The following HDGFL3 variants were observed in gnomAD, a reference collection of about 807,000 sequenced individuals.
HDGFL3 encodes HDGF like 3, also known as hepatoma-derived growth factor-related protein 3.
Under a neutral mutation model 27.6 loss-of-function variants are expected in HDGFL3, and 6 were observed. The observed-to-expected ratio is 0.22, with a 90% CI of 0.12 to 0.43. The LOEUF is 0.43. HDGFL3 is among the 20% of genes least tolerant of loss of function. The pLI, the probability that HDGFL3 is intolerant of heterozygous loss-of-function variation, is 1.00. For synonymous variants in HDGFL3, 88 were observed against 88.9 expected (o/e 0.99, Z 0.05); for missense variants, 207 against 250.1 (o/e 0.83, Z 1.16).
chr15:83,154,791 T>C (rs1172374912), intron 4 of HDGFL3, among the ~76,000 whole-genome samples: 1 of 152,232 alleles, frequency 6.6e-6, no homozygotes, highest in Non-Finnish European at 1.5e-5. Flanking sequence ...AAGTCTTCCA[T>C]GTAATTCTAA....
At chr15:83,195,745 A>T (rs1479053843) in intron 1 of HDGFL3, among the ~76,000 whole-genome samples, 1 of 152,134 alleles carries the variant, frequency 6.6e-6, no homozygotes, top group Non-Finnish European at 1.5e-5. Context: ...GCTGAAAACC[A>T]GGTTCTTACA....
At chr15:83,117,449 G>T (rs535363867) in intron 3 of HDGFL3, among the ~76,000 whole-genome samples, 1 of 152,324 alleles carries the variant, frequency 6.6e-6, no homozygotes, top group African/African-American at 2.4e-5. Flanking sequence ...AAAGGGCTGA[G>T]CTTGGGACTT....
exon 4 of HDGFL3, chr15:83,114,752 G>C (rs1359846415): frequency 6.6e-6 from 1 of 152,166 alleles, no homozygotes; most frequent in Non-Finnish European, 1.5e-5. Flanking sequence ...CATAGTCTAA[G>C]GCACCAATCT....
At chr15:83,160,644 G>A (rs1292839999) in intron 2 of HDGFL3, among the ~76,000 whole-genome samples, 2 of 152,204 alleles carry the variant, frequency 1.3e-5, no homozygotes, top group South Asian at 4.1e-4. Context: ...GGTAGCTGGA[G>A]AGAGGACTCT....
intron 5 of HDGFL3, among the ~76,000 whole-genome samples, chr15:83,149,238 C>T (rs1318196131): frequency 1.3e-5 from 2 of 152,120 alleles, no homozygotes; most frequent in Non-Finnish European, 1.5e-5. Flanking sequence ...GCAGACCACG[C>T]ACAATATGTG....
intron 1 of HDGFL3, among the ~76,000 whole-genome samples, chr15:83,179,454 A>G (rs1331389751): frequency 6.6e-6 from 1 of 152,160 alleles, no homozygotes; most frequent in Non-Finnish European, 1.5e-5. Flanking sequence ...CATGGCTCAA[A>G]CTTGTATGTG....
chr15:83,191,004 C>CAT (rs1035067143), intron 1 of HDGFL3, among the ~76,000 whole-genome samples: 5 of 152,260 alleles, frequency 3.3e-5, no homozygotes, highest in Admixed American at 2.6e-4. Context: ...GATAACTAAT[C>CAT]ATATCAGTGT....
chr15:83,164,716 T>C (rs1164563361), intron 1 of HDGFL3, among the ~76,000 whole-genome samples: 1 of 152,236 alleles, frequency 6.6e-6, no homozygotes, highest in Non-Finnish European at 1.5e-5. Flanking sequence ...CAGCCCTTCC[T>C]TCCTCAGATC....
intron 3 of HDGFL3, chr15:83,119,734 G>A: frequency 1.2e-6 from 2 of 1,610,444 alleles, no homozygotes; most frequent in East Asian, 2.2e-5. Context: ...CCGATAAGCG[G>A]GTATGTAAGG....
intron 5 of HDGFL3, among the ~76,000 whole-genome samples, chr15:83,143,534 A>G (rs951241534): frequency 2.0e-5 from 3 of 152,162 alleles, no homozygotes; most frequent in Admixed American, 6.5e-5. Flanking sequence ...GTGAGCTAAG[A>G]TCGTGCCACT....
chr15:83,197,635 C>G (rs2037587371), intron 1 of HDGFL3, among the ~76,000 whole-genome samples: 1 of 152,182 alleles, frequency 6.6e-6, no homozygotes, highest in African/African-American at 2.4e-5. Context: ...TCAGTCATAG[C>G]TTGATACCTC....
chr15:83,127,569 T>G (rs2151376985), downstream of HDGFL3: 3 of 1,402,748 alleles, frequency 2.1e-6, no homozygotes, highest in Middle Eastern at 1.8e-4. Context: ...TGTTTTAGAC[T>G]AGGAGATAGC....
intron 1 of HDGFL3, chr15:83,179,386 A>T (rs1248716367): frequency 4.6e-5 from 7 of 152,258 alleles, no homozygotes; most frequent in Non-Finnish European, 1.0e-4. Context: ...TGATTAAAAC[A>T]CAGATAGGTA....
intron 1 of HDGFL3, among the ~76,000 whole-genome samples, chr15:83,198,054 CAAAAAAA>C (rs766372255): frequency 1.4e-4 from 8 of 57,596 alleles, no homozygotes; most frequent in Admixed American, 2.7e-4. Flanking sequence ...GACTCCGTCT[CAAAAAAA>C]AAAAAAAAAA....
intron 3 of HDGFL3, 147 bp from the exon 4 acceptor site, chr15:83,157,720 C>T: frequency 3.1e-6 from 3 of 976,118 alleles, no homozygotes; most frequent in Non-Finnish European, 4.6e-6. Context: ...CTGAATTTTC[C>T]AATGGACACT....
intron 1 of HDGFL3, among the ~76,000 whole-genome samples, chr15:83,177,960 G>A (rs1468784794): frequency 2.0e-5 from 3 of 152,170 alleles, no homozygotes; most frequent in Admixed American, 2.0e-4. Flanking sequence ...CAAGATGATG[G>A]ATATATTTTT....
downstream of HDGFL3, among the ~76,000 whole-genome samples, chr15:83,124,043 C>G (rs2066579675): frequency 6.6e-6 from 1 of 152,148 alleles, no homozygotes; most frequent in Admixed American, 6.5e-5. Context: ...CAAAGTTGTT[C>G]ATCATTACAT....
chr15:83,164,933 T>C (rs2037151425), intron 1 of HDGFL3, among the ~76,000 whole-genome samples: 1 of 152,234 alleles, frequency 6.6e-6, no homozygotes, highest in Non-Finnish European at 1.5e-5. Context: ...CATGCTATTT[T>C]ATTTCATGTA....
At chr15:83,147,382 A>G (rs2036911629) in intron 5 of HDGFL3, among the ~76,000 whole-genome samples, 1 of 152,068 alleles carries the variant, frequency 6.6e-6, no homozygotes, top group Non-Finnish European at 1.5e-5. Context: ...TTTCTAAAGG[A>G]CACTGCTTCA....
Sources: allele counts gnomAD v4.1 joint callset (sites outside exome capture counted in the v4.1 genomes callset), GRCh38; gene constraint gnomAD v4.1.1; transcripts MANE v1.5; gene names NCBI Gene and HGNC (gene_info 2026-07-23, HGNC 2026-07-21).